Variants in DARS1 observed in about 807,000 individuals in gnomAD.
DARS1 encodes aspartyl-tRNA synthetase 1.
DARS1 carries 51 observed loss-of-function variants against 68.8 expected under a neutral mutation model. The observed-to-expected ratio is 0.74, with a 90% CI of 0.59 to 0.94. The LOEUF is 0.94. DARS1 is among the 40% of genes least tolerant of loss of function. DARS1 has a pLI of 0.00. For synonymous variants in DARS1, 203 were observed against 190.4 expected (o/e 1.07, Z -0.55); for missense variants, 607 against 597.3 (o/e 1.02, Z -0.17).
In DARS1 at chr2:135,967,881, T is replaced by C. The variant is rs180684082; in HGVS notation, c.218-6383A>G. 5.3e-5 allele frequency among the ~76,000 whole-genome samples: 8 copies of C among 152,328 alleles called. No homozygotes were observed. The East Asian group carries it at 7.7e-4, about 15-fold the overall frequency. The stretch of plus-strand genomic sequence containing the variant: ...CCCAAGTAAGTCATATTTATTGATA[T>C]GATTTTTCGTACATAAGATATAGGA... On this transcript the variant is annotated intron_variant, in intron 3 of 15. Coordinates refer to ENST00000264161, the MANE Select transcript of DARS1 (RefSeq NM_001349.4).
chr2:135,919,019 GTGAT>G (rs1681058882), intron 10 of DARS1, among the ~76,000 whole-genome samples: 1 of 152,134 alleles, frequency 6.6e-6, no homozygotes, highest in Non-Finnish European at 1.5e-5. Flanking sequence ...CTTAAGATCA[GTGAT>G]TGATTTCTAC....
At chr2:135,974,443 T>C (rs528910711) in intron 3 of DARS1, among the ~76,000 whole-genome samples, 22 of 152,314 alleles carry the variant, frequency 1.4e-4, no homozygotes, top group African/African-American at 4.6e-4. Context: ...AATGAACCTC[T>C]CTACATATAC....
intron 10 of DARS1, among the ~76,000 whole-genome samples, chr2:135,916,755 G>C (rs888940158): frequency 7.9e-5 from 12 of 152,136 alleles, no homozygotes; most frequent in African/African-American, 2.9e-4. Flanking sequence ...GTATTACACT[G>C]TATGTTCAGG....
rs761143098 is a variant in DARS1, at chr2:135,916,319, T to G, written c.1013A>C (p.Lys338Thr). ...TAGTCTTAGAGTTGGCTCCAAAAAT[T>G]TGAATGGCTCACATGGGAACTGTTT... is the stretch of plus-strand genomic sequence containing the variant. ...VNKQFPCEPF[K>T]FLEPTLRLEY... Residue 338 changes from lysine to threonine, a missense_variant, in exon 11 of 16, where the codon AAA becomes ACA. By Grantham distance (78) the Lys-to-Thr change is moderately conservative. Coordinates refer to ENST00000264161, the MANE Select transcript of DARS1 (RefSeq NM_001349.4). 3.9e-6 allele frequency: 6 copies of G among 1,525,010 alleles called. No individual in the cohort carries two copies. The highest frequency in any genetic ancestry group is 5.5e-6 in the Non-Finnish European group (6 of 1,098,740). 94.5% of individuals were successfully genotyped at this position (1,525,010 alleles called of 1,614,324 possible).
chr2:135,914,342 C>A, intron 12 of DARS1, 127 bp downstream of exon 12: 1 of 665,070 alleles, frequency 1.5e-6, no homozygotes. Context: ...TAATGTTGTC[C>A]TTCTTCGGTT....
intron 5 of DARS1, among the ~76,000 whole-genome samples, chr2:135,939,712 T>C (rs1681554529): frequency 6.6e-6 from 1 of 151,966 alleles, no homozygotes; most frequent in Admixed American, 6.6e-5. Flanking sequence ...AATCAATGAA[T>C]CCAGGAGCTG....
chr2:135,956,707 T>C (rs1429854276), intron 4 of DARS1, among the ~76,000 whole-genome samples: 1 of 152,208 alleles, frequency 6.6e-6, no homozygotes, highest in Non-Finnish European at 1.5e-5. Context: ...CACCCATCTG[T>C]CCACTGATGC....
chr2:135,942,275 C>T (rs1368224401), intron 5 of DARS1, among the ~76,000 whole-genome samples: 3 of 152,110 alleles, frequency 2.0e-5, no homozygotes, highest in South Asian at 2.1e-4. Flanking sequence ...CAATGATAGA[C>T]TGGATTAAGA....
chr2:135,976,782 CAAAAA>C (rs10598545), intron 3 of DARS1, among the ~76,000 whole-genome samples: 50 of 104,532 alleles, frequency 4.8e-4, no homozygotes, highest in Middle Eastern at 4.6e-3. Context: ...GCAAATATTC[CAAAAA>C]AAAAAAAAAA....
In DARS1 at chr2:135,912,497, G is replaced by C; in HGVS notation, c.1219C>G (p.Pro407Ala). Residue 407 changes from proline (P) to alanine (A), a missense_variant, in exon 13 of 16, where the codon CCA becomes GCA. Transcript: ENST00000264161. ...ACCAAATTACTTACGGGATTTCTTG[G>C]GTCAGGCATGGTATAGAAAGGTCTT... is the stretch of plus-strand genomic sequence containing the variant. ...AVRPFYTMPD[P>A]RNPKQSNSYD... 1 of 1,079,574 alleles carries C rather than the reference G, an allele frequency of 9.3e-7. No individual in the cohort carries two copies. 66.9% of individuals were successfully genotyped at this position (1,079,574 alleles called of 1,614,324 possible).
At chr2:135,948,082 C>G (rs1681766472) in intron 4 of DARS1, among the ~76,000 whole-genome samples, 1 of 152,078 alleles carries the variant, frequency 6.6e-6, no homozygotes, top group Non-Finnish European at 1.5e-5. Flanking sequence ...GATTTTAGAC[C>G]CGTTTTTTTT....
chr2:135,969,562 G>A (rs919807186), intron 3 of DARS1, among the ~76,000 whole-genome samples: 3 of 149,872 alleles, frequency 2.0e-5, no homozygotes, highest in East Asian at 3.9e-4. Flanking sequence ...AAATGATGAA[G>A]ACCAGATTAT....
At chr2:135,945,664 A>C (rs893579771) in intron 4 of DARS1, among the ~76,000 whole-genome samples, 3 of 152,224 alleles carry the variant, frequency 2.0e-5, no homozygotes, top group Non-Finnish European at 4.4e-5. Flanking sequence ...CTAAAATATT[A>C]GATCAGCTAG....
At chr2:135,953,076 G>C (rs1316020353) in intron 4 of DARS1, among the ~76,000 whole-genome samples, 1 of 152,126 alleles carries the variant, frequency 6.6e-6, no homozygotes, top group African/African-American at 2.4e-5. Flanking sequence ...TAAACACTGT[G>C]GTTTTTATTG....
chr2:135,945,925 A>G (rs1165392281), intron 4 of DARS1, among the ~76,000 whole-genome samples: 3 of 152,208 alleles, frequency 2.0e-5, no homozygotes, highest in Non-Finnish European at 4.4e-5. Flanking sequence ...ATCATAACCT[A>G]TTTAGACATT....
intron 7 of DARS1, among the ~76,000 whole-genome samples, chr2:135,930,212 T>C (rs1378616801): frequency 1.3e-5 from 2 of 152,230 alleles, no homozygotes; most frequent in East Asian, 3.8e-4. Flanking sequence ...AGCTATTTTC[T>C]TAATCCCTGC....
intron 4 of DARS1, among the ~76,000 whole-genome samples, chr2:135,956,876 G>A (rs1175106773): frequency 6.6e-6 from 1 of 151,782 alleles, no homozygotes; most frequent in Non-Finnish European, 1.5e-5. Flanking sequence ...CAATTCTCCT[G>A]CCTCAGCTTC....
chr2:135,941,977 T>C (rs542302106), intron 5 of DARS1, among the ~76,000 whole-genome samples: 2 of 152,198 alleles, frequency 1.3e-5, no homozygotes, highest in African/African-American at 4.8e-5. Context: ...CCAGTTAGAA[T>C]GGCGATCATT....
intron 3 of DARS1, among the ~76,000 whole-genome samples, chr2:135,966,158 CTGTAAA>C (rs1682231237): frequency 6.6e-6 from 1 of 150,886 alleles, no homozygotes; most frequent in Admixed American, 6.6e-5. Context: ...TTTTGTCTGT[CTGTAAA>C]TGTATTTTTT....
Sources: allele counts gnomAD v4.1 joint callset (sites outside exome capture counted in the v4.1 genomes callset), GRCh38; gene constraint gnomAD v4.1.1; transcripts MANE v1.5; gene names NCBI Gene and HGNC (gene_info 2026-07-23, HGNC 2026-07-21).